The following PCDH15 variants were observed in gnomAD, a reference collection of about 807,000 sequenced individuals.
The protein encoded by PCDH15 is protocadherin-15.
Under a neutral mutation model 178.5 loss-of-function variants are expected in PCDH15, and 129 were observed. That is an observed-to-expected ratio of 0.72 (90% confidence interval 0.63 to 0.84). The LOEUF is 0.84. Ranked by LOEUF, PCDH15 falls within the 40% of genes least tolerant of loss-of-function variation. PCDH15 has a pLI of 0.00. For missense variants in PCDH15, 2,230 were observed against 2,099.9 expected, an observed-to-expected ratio of 1.06 and a Z score of -1.21; for synonymous variants, 800 against 732.0, an observed-to-expected ratio of 1.09 and a Z score of -1.50.
At chr10:54,285,922 A>C (rs924361155) in intron 8 of PCDH15, among the ~76,000 whole-genome samples, 9 of 152,222 alleles carry the variant, frequency 5.9e-5, no homozygotes, top group Admixed American at 5.2e-4. Flanking sequence ...GCAACATAAA[A>C]GAACCTGAAA....
chr10:54,837,147 G>C lies in PCDH15; in HGVS notation c.-29+60303C>G, dbSNP rs569755467. Among the ~76,000 whole-genome samples, 3 of 152,028 alleles carry C rather than the reference G, an allele frequency of 2.0e-5. No homozygotes were observed. The East Asian group carries it at 5.8e-4, about 29-fold the overall frequency. Reference sequence around the variant, plus strand: ...AAAACTAAATTTCATTAAAAAGAAAGATTTAAACCATCTTGAAAGTTTTTC... The same window carrying C: ...AAAACTAAATTTCATTAAAAAGAAACATTTAAACCATCTTGAAAGTTTTTC... On this transcript the variant is annotated intron_variant, in intron 3 of 5. Transcript: ENST00000458638.
intron 2 of PCDH15, among the ~76,000 whole-genome samples, chr10:55,408,902 A>T (rs1838269088): frequency 2.0e-5 from 3 of 152,142 alleles, no homozygotes; most frequent in Non-Finnish European, 4.4e-5. Flanking sequence ...TTAATCTATA[A>T]GAAATATTTG....
intron 34 of PCDH15, among the ~76,000 whole-genome samples, chr10:53,817,463 G>T (rs2076100154): frequency 6.7e-6 from 1 of 150,310 alleles, no homozygotes; most frequent in South Asian, 2.1e-4. Context: ...CTGGTAAAAA[G>T]ATCAAAAGTT....
At chr10:55,617,570 A>G (rs969635782) in intron 2 of PCDH15, among the ~76,000 whole-genome samples, 13 of 152,062 alleles carry the variant, frequency 8.5e-5, no homozygotes, top group African/African-American at 2.9e-4. Context: ...ATTCCATGGC[A>G]GGGCAATAAA....
intron 18 of PCDH15, among the ~76,000 whole-genome samples, chr10:54,066,377 T>C (rs1234799012): frequency 6.6e-6 from 1 of 152,168 alleles, no homozygotes. Flanking sequence ...ACTCTAAAGA[T>C]AGTATTTACC....
intron 2 of PCDH15, among the ~76,000 whole-genome samples, chr10:55,557,883 T>C (rs1842121725): frequency 1.3e-5 from 2 of 152,240 alleles, no homozygotes; most frequent in South Asian, 4.2e-4. Flanking sequence ...GGTCTGGGTA[T>C]ACAGAGATTA....
intron 1 of PCDH15, among the ~76,000 whole-genome samples, chr10:55,273,845 A>G (rs894748455): frequency 1.3e-5 from 2 of 152,150 alleles, no homozygotes; most frequent in Admixed American, 6.5e-5. Flanking sequence ...TAGAAAATTC[A>G]CAAACAATTT....
At chr10:53,870,715 C>A (rs932591997) in intron 26 of PCDH15, among the ~76,000 whole-genome samples, 8 of 152,090 alleles carry the variant, frequency 5.3e-5, no homozygotes, top group African/African-American at 9.7e-5. Flanking sequence ...AAATCCGAAA[C>A]CTCTCCTCTA....
At chr10:53,936,693 G>T (rs1478797994) in intron 25 of PCDH15, among the ~76,000 whole-genome samples, 1 of 151,846 alleles carries the variant, frequency 6.6e-6, no homozygotes, top group Non-Finnish European at 1.5e-5. Flanking sequence ...TCACATCATG[G>T]TTGCACAATT....
intron 8 of PCDH15, among the ~76,000 whole-genome samples, chr10:54,287,786 G>T (rs2059128616): frequency 6.6e-6 from 1 of 152,006 alleles, no homozygotes. Context: ...GAATCTAAAT[G>T]CCAAATGAAT....
intron 2 of PCDH15, among the ~76,000 whole-genome samples, chr10:55,414,573 T>C (rs1165223161): frequency 1.3e-5 from 2 of 151,676 alleles, no homozygotes; most frequent in Admixed American, 1.3e-4. Context: ...TGCTTTACAG[T>C]TTTCAGTGTA....
At chr10:54,263,630 T>A (rs1714062452) in intron 8 of PCDH15, among the ~76,000 whole-genome samples, 1 of 152,072 alleles carries the variant, frequency 6.6e-6, no homozygotes, top group Admixed American at 6.5e-5. Context: ...GGAACCTATC[T>A]CTAACCAAGG....
chr10:54,032,423 T>A (rs1423306116), intron 18 of PCDH15, among the ~76,000 whole-genome samples: 1 of 152,042 alleles, frequency 6.6e-6, no homozygotes, highest in Non-Finnish European at 1.5e-5. Context: ...ATGCCTGCTT[T>A]ATTTTTCTTT....
chr10:54,075,281 G>T (rs1452482788), intron 17 of PCDH15, among the ~76,000 whole-genome samples: 1 of 152,006 alleles, frequency 6.6e-6, no homozygotes, highest in Non-Finnish European at 1.5e-5. Flanking sequence ...GGAGGCTGAG[G>T]CAGGAGAATG....
chr10:55,601,950 G>A (rs941162248), intron 2 of PCDH15, among the ~76,000 whole-genome samples: 1 of 152,138 alleles, frequency 6.6e-6, no homozygotes, highest in Non-Finnish European at 1.5e-5. Context: ...CAGAAGACGG[G>A]TGATTTCTGC....
chr10:55,423,579 CCT>C (rs1838677485), intron 2 of PCDH15, among the ~76,000 whole-genome samples: 1 of 151,956 alleles, frequency 6.6e-6, no homozygotes, highest in Non-Finnish European at 1.5e-5. Context: ...GGGGGAAACT[CCT>C]CTGTTTAGAG....
At chr10:54,051,009 A>G (rs901714805) in intron 18 of PCDH15, among the ~76,000 whole-genome samples, 1 of 152,162 alleles carries the variant, frequency 6.6e-6, no homozygotes. Flanking sequence ...TCCTGCTATC[A>G]TGTGAAGAAG....
chr10:53,831,678 A>G, intron 29 of PCDH15, 145 bp from the exon 30 acceptor site: 1 of 641,072 alleles, frequency 1.6e-6, no homozygotes. Context: ...TAAGAAAAGC[A>G]TATATAAAAA....
chr10:54,922,958 T>TTCC (rs1431979465), intron 2 of PCDH15, among the ~76,000 whole-genome samples: 2 of 152,168 alleles, frequency 1.3e-5, no homozygotes, highest in Non-Finnish European at 2.9e-5. Flanking sequence ...AACCCCATAT[T>TTCC]TCCTCTCTGC....
Sources: allele counts gnomAD v4.1 joint callset (sites outside exome capture counted in the v4.1 genomes callset), GRCh38; gene constraint gnomAD v4.1.1; transcripts MANE v1.5; gene names NCBI Gene and HGNC (gene_info 2026-07-23, HGNC 2026-07-21).